FAM135A: variants seen among roughly 807,000 people sequenced by gnomAD.
The protein encoded by FAM135A is protein FAM135A.
FAM135A carries 79 observed loss-of-function variants against 146.8 expected under a neutral mutation model. The observed-to-expected ratio is 0.54, with a 90% confidence interval of 0.45 to 0.65. The LOEUF is 0.65. FAM135A is among the 30% of genes least tolerant of loss of function. The probability of loss-of-function intolerance (pLI) is 0.00; values close to 1 mark genes in which losing one functional copy is unlikely to be tolerated. For synonymous variants in FAM135A, 562 were observed against 603.6 expected (o/e 0.93, Z 1.01); for missense variants, 1,623 against 1,758.2 (o/e 0.92, Z 1.38).
chr6:70,544,606 TCATGTGTACCTGTAATCC>T (rs1021428536), intron 20 of FAM135A, among the ~76,000 whole-genome samples: 4 of 149,656 alleles, frequency 2.7e-5, no homozygotes, highest in African/African-American at 9.9e-5. Flanking sequence ...CTAGGCATGG[TCATGTGTACCTGTAATCC>T]CAGCCACTCC....
At chr6:70,417,825 CTT>C (rs1767894020) in intron 2 of FAM135A, among the ~76,000 whole-genome samples, 1 of 152,146 alleles carries the variant, frequency 6.6e-6, no homozygotes, top group Non-Finnish European at 1.5e-5. Flanking sequence ...TTTACCATCT[CTT>C]TTATCTTTTG....
At position 70,486,814 on chromosome 6, in the gene FAM135A, G is replaced by C. The variant is rs1784749340; in HGVS notation, c.824-4220G>C. ...GTGGTGGCGCATGTCTGTAATCCCAGCTACTCGGAGGCTGAGGCAGGGGAA... is the reference window on the plus strand; with the variant it reads ...GTGGTGGCGCATGTCTGTAATCCCACCTACTCGGAGGCTGAGGCAGGGGAA... On this transcript the variant is annotated intron_variant, in intron 10 of 21. Transcript: ENST00000418814. Among the ~76,000 whole-genome samples the C allele has an allele frequency of 2.0e-5, 3 of 152,108 alleles. No individual in the cohort carries two copies. In the South Asian group the frequency reaches 6.2e-4, roughly 32 times the overall value.
intron 11 of FAM135A, among the ~76,000 whole-genome samples, chr6:70,492,301 T>TA (rs1786184413): frequency 6.6e-6 from 1 of 151,754 alleles, no homozygotes; most frequent in Non-Finnish European, 1.5e-5. Context: ...GTGGTAAAGT[T>TA]AACGTCATGC....
intron 5 of FAM135A, among the ~76,000 whole-genome samples, chr6:70,470,082 A>G (rs1193206735): frequency 3.3e-5 from 5 of 152,178 alleles, no homozygotes; most frequent in Non-Finnish European, 7.3e-5. Flanking sequence ...TTAGATACTG[A>G]TTATAAGTCA....
intron 12 of FAM135A, among the ~76,000 whole-genome samples, chr6:70,505,462 A>C (rs540164631): frequency 6.6e-6 from 1 of 151,912 alleles, no homozygotes; most frequent in African/African-American, 2.4e-5. Flanking sequence ...TTTGTGAACT[A>C]TTCTTCAGTT....
chr6:70,425,573 A>G (rs1006888581), intron 2 of FAM135A, among the ~76,000 whole-genome samples: 2 of 152,216 alleles, frequency 1.3e-5, no homozygotes, highest in African/African-American at 4.8e-5. Context: ...CTTTATTCCA[A>G]CATTTTTAGT....
At chr6:70,478,414 T>C (rs1317594245) in intron 8 of FAM135A, among the ~76,000 whole-genome samples, 1 of 152,170 alleles carries the variant, frequency 6.6e-6, no homozygotes, top group African/African-American at 2.4e-5. Flanking sequence ...GATGTACATC[T>C]GATTCTGACA....
chr6:70,481,203 CATG>C lies in FAM135A; in HGVS notation c.669+179_669+181del, dbSNP rs374990406. On this transcript the variant is annotated intron_variant, in intron 9 of 21. Transcript: ENST00000418814. ...TCTAATTGTCTATTATGAAAACTAA[CATG>C]ATACTTCAAAATGTTACCAGATTTA... 5.5e-3 allele frequency among the ~76,000 whole-genome samples: 836 copies of C among 152,244 alleles called. 11 individuals carry two copies. Among genetic ancestry groups the C allele is most frequent in the African/African-American group, 0.018 (739 of 41,550 alleles).
At chr6:70,442,663 G>A (rs903189596) in intron 4 of FAM135A, among the ~76,000 whole-genome samples, 4 of 151,776 alleles carry the variant, frequency 2.6e-5, no homozygotes, top group African/African-American at 9.7e-5. Flanking sequence ...TTGTTTAAAA[G>A]TATATCTTAG....
chr6:70,440,545 G>T (rs925253643), intron 4 of FAM135A, among the ~76,000 whole-genome samples: 3 of 152,092 alleles, frequency 2.0e-5, no homozygotes, highest in African/African-American at 7.2e-5. Flanking sequence ...AAAATTAGCT[G>T]GGCATGGTGG....
At chr6:70,467,815 T>G (rs779067030) in intron 5 of FAM135A, among the ~76,000 whole-genome samples, 16 of 152,186 alleles carry the variant, frequency 1.1e-4, no homozygotes, top group Admixed American at 2.0e-4. Context: ...TAACAATGTT[T>G]TCCTGTTTCA....
At chr6:70,475,785 T>C (rs754097955) in intron 7 of FAM135A, 52 bp downstream of exon 7, 2 of 1,384,394 alleles carry the variant, frequency 1.4e-6, no homozygotes, top group Non-Finnish European at 2.0e-6. Flanking sequence ...CTGTTATTTG[T>C]TATTATTAGA....
rs560027796 is a variant in FAM135A at position 70,501,781 on chromosome 6, G to A, written c.874-855G>A. Among the ~76,000 whole-genome samples, 258 of 152,218 alleles carry A rather than the reference G, an allele frequency of 1.7e-3. 1 individual carries two copies. The highest frequency in any genetic ancestry group is 3.4e-3 in the Non-Finnish European group (229 of 68,004). On this transcript the variant is annotated intron_variant, in intron 11 of 21. Transcript: ENST00000418814. ...CCCACCCTGCTTCTACTCACCCTCC[G>A]TGGGTTGGACTCACTGCCTAACCAG... is the stretch of plus-strand genomic sequence containing the variant.
intron 11 of FAM135A, 147 bp downstream of exon 11, chr6:70,491,230 A>T (rs766690544): frequency 1.3e-5 from 8 of 620,234 alleles, no homozygotes; most frequent in Non-Finnish European, 1.3e-5. Context: ...ACCACAACTT[A>T]GGTGGTCAAA....
intron 1 of FAM135A, chr6:70,414,129 C>T (rs1766949718): frequency 1.3e-6 from 1 of 783,472 alleles, no homozygotes; most frequent in Non-Finnish European, 1.5e-6. Flanking sequence ...GTGGTCCCTC[C>T]TTGGGAAGCA....
chr6:70,417,286 A>C (rs1369067890), intron 2 of FAM135A, among the ~76,000 whole-genome samples: 2 of 148,352 alleles, frequency 1.3e-5, no homozygotes, highest in Non-Finnish European at 3.0e-5. Flanking sequence ...ACAGAGTCCC[A>C]CTGTATTGCC....
chr6:70,426,574 G>A (rs1052877239), intron 3 of FAM135A, 42 bp downstream of exon 3: 2 of 152,168 alleles, frequency 1.3e-5, no homozygotes, highest in Non-Finnish European at 2.9e-5. Flanking sequence ...TAATAGATTC[G>A]AGTATTTGCC....
At chr6:70,473,632 T>G (rs778979930) in intron 5 of FAM135A, among the ~76,000 whole-genome samples, 4 of 152,122 alleles carry the variant, frequency 2.6e-5, no homozygotes, top group Non-Finnish European at 4.4e-5. Flanking sequence ...TGTCACTGCT[T>G]CTTCTCCCAC....
intron 12 of FAM135A, among the ~76,000 whole-genome samples, chr6:70,509,271 TA>T (rs541167687): frequency 1.4e-4 from 21 of 150,612 alleles, no homozygotes; most frequent in African/African-American, 4.1e-4. Context: ...TTGTCTCTAT[TA>T]AAAAAAAAAT....
Sources: allele counts gnomAD v4.1 joint callset (sites outside exome capture counted in the v4.1 genomes callset), GRCh38; gene constraint gnomAD v4.1.1; transcripts MANE v1.5; gene names NCBI Gene and HGNC (gene_info 2026-07-23, HGNC 2026-07-21).